The following TRPM1 variants were observed in gnomAD, a reference collection of about 807,000 sequenced individuals.
TRPM1 encodes transient receptor potential cation channel subfamily M member 1, also known as TRPM1-203 APA Isoform, Intron 10.
TRPM1 carries 113 observed loss-of-function variants against 149.4 expected under a neutral mutation model. The observed-to-expected ratio is 0.76, with a 90% CI of 0.65 to 0.88. TRPM1 has a LOEUF of 0.88. Among genes scored for constraint, TRPM1 ranks in the 40% least tolerant of loss-of-function variants. The pLI is 0.00. For synonymous variants in TRPM1, 741 were observed against 759.5 expected (o/e 0.98, Z 0.40); for missense variants, 1,976 against 2,038.7 (o/e 0.97, Z 0.59).
chr15:31,125,530 A>C (rs2035936546), intron 1 of TRPM1, among the ~76,000 whole-genome samples: 1 of 151,126 alleles, frequency 6.6e-6, no homozygotes, highest in Admixed American at 6.6e-5. Context: ...GGAGATCGAG[A>C]CCATCCCGGC....
intron 1 of TRPM1, among the ~76,000 whole-genome samples, chr15:31,127,226 C>T (rs2035962364): frequency 6.6e-6 from 1 of 152,146 alleles, no homozygotes. Flanking sequence ...CTCGTGGCAT[C>T]TCCAAGGATG....
rs552539446 is a variant in TRPM1 at position 31,085,765 on chromosome 15, A to C, written c.-83-4327T>G. On this transcript the variant is annotated intron_variant, in intron 1 of 27. Coordinates refer to ENST00000256552, the MANE Select transcript of TRPM1 (RefSeq NM_001252024.2). The stretch of plus-strand genomic sequence containing the variant: ...ATAGTCAATTAGGAGAACAAAACCA[A>C]ACAAAAACAGAAGAGCTGCAATGCA... Among the ~76,000 whole-genome samples the C allele has an allele frequency of 3.3e-5, 5 of 152,282 alleles. No individual in the cohort carries two copies. In the East Asian group the frequency reaches 7.7e-4, roughly 24 times the overall value.
intron 24 of TRPM1, 148 bp from the exon 25 acceptor site, chr15:31,028,624 ACT>A (rs1191809969): frequency 1.4e-5 from 15 of 1,063,348 alleles, no homozygotes; most frequent in Non-Finnish European, 1.9e-5. Context: ...GAAAAAATAA[ACT>A]CTGTAGCCCC....
At chr15:31,124,646 C>G (rs2035921322) in intron 1 of TRPM1, among the ~76,000 whole-genome samples, 1 of 120,222 alleles carries the variant, frequency 8.3e-6, no homozygotes, top group Non-Finnish European at 1.7e-5. Flanking sequence ...AGAGTTAAGA[C>G]TCTGTCTCAA....
rs879097117 is a variant in TRPM1, at chr15:31,032,578, A to G, written c.2952+111T>C. The G allele has an allele frequency of 3.2e-5, 42 of 1,298,000 alleles. No homozygotes were observed. In the South Asian group the frequency reaches 4.9e-4, roughly 15 times the overall value. The allele number at this position is 1,298,000 out of a possible 1,614,324, so 80.4% of individuals were successfully genotyped here. On this transcript the variant is annotated intron_variant, in intron 22 of 27. Coordinates refer to ENST00000256552, the MANE Select transcript of TRPM1 (RefSeq NM_001252024.2). ...AAAGAATATTTCCTTTAAAAAGCCA[A>G]CTGCAAAAGAAAAACCAAATGAAAT...
intron 27 of TRPM1, among the ~76,000 whole-genome samples, chr15:31,007,936 G>T (rs1188310889): frequency 5.9e-5 from 9 of 152,024 alleles, no homozygotes; most frequent in Non-Finnish European, 1.2e-4. Context: ...CATTTTTGTT[G>T]GAGCTCTGTG....
intron 27 of TRPM1, among the ~76,000 whole-genome samples, chr15:31,025,586 C>T (rs2032697164): frequency 6.6e-6 from 1 of 152,184 alleles, no homozygotes; most frequent in African/African-American, 2.4e-5. Context: ...GAAAGACACA[C>T]CCTGCCCTAG....
Position 31,028,429 on chromosome 15 carries a change from G to C in TRPM1, c.3196C>G (p.Pro1066Ala), listed in dbSNP as rs2032893567. The C allele has an allele frequency of 6.2e-7, 1 of 1,614,120 alleles. No homozygotes were observed. Among genetic ancestry groups the C allele is most frequent in the Non-Finnish European group, 8.5e-7 (1 of 1,180,042 alleles). ...GTGAGCCAGGCGCCGGGGATACAGGGAGGAAGCCGCTTGCCCTCCTCATCA... is the reference window on the plus strand; with the variant it reads ...GTGAGCCAGGCGCCGGGGATACAGGCAGGAAGCCGCTTGCCCTCCTCATCA... ...LYDEEGKRLP[P>A]CIPGAWLTPA... The change falls in exon 25 of 28, where the codon CCC (proline) becomes GCC (alanine). Residue 1066 changes from proline (P) to alanine (A), a missense_variant. Physicochemically the swap from Pro to Ala is conservative, Grantham distance 27. Around this residue, in one of 3 missense-constraint regions of TRPM1, gnomAD observed 1,332 missense variants for 1,347.1 expected, o/e 0.99. Coordinates refer to ENST00000256552, the MANE Select transcript of TRPM1 (RefSeq NM_001252024.2).
intron 1 of TRPM1, among the ~76,000 whole-genome samples, chr15:31,156,680 C>T (rs1353362519): frequency 1.3e-5 from 2 of 152,158 alleles, no homozygotes; most frequent in Non-Finnish European, 2.9e-5. Flanking sequence ...TTTTACGTCT[C>T]CCTATAATGT....
intron 1 of TRPM1, among the ~76,000 whole-genome samples, chr15:31,086,548 C>T (rs1274584553): frequency 1.3e-5 from 2 of 152,270 alleles, no homozygotes; most frequent in Middle Eastern, 3.4e-3. Context: ...ATGGGGGAGG[C>T]CCTGGCTTCT....
At chr15:31,148,190 G>A (rs1378151612) in intron 1 of TRPM1, among the ~76,000 whole-genome samples, 1 of 152,250 alleles carries the variant, frequency 6.6e-6, no homozygotes, top group South Asian at 2.1e-4. Flanking sequence ...TCTAACAAAG[G>A]GACAAAACCA....
intron 1 of TRPM1, among the ~76,000 whole-genome samples, chr15:31,133,394 T>C (rs1188258656): frequency 2.1e-5 from 3 of 144,596 alleles, no homozygotes; most frequent in Non-Finnish European, 4.6e-5. Flanking sequence ...ATGGTGAAAC[T>C]CCGTCTCTAC....
chr15:31,027,967 A>G (rs1202005931), intron 25 of TRPM1, among the ~76,000 whole-genome samples: 1 of 152,180 alleles, frequency 6.6e-6, no homozygotes, highest in Non-Finnish European at 1.5e-5. Context: ...TAATTGTAAC[A>G]GCTTATGAAA....
intron 1 of TRPM1, among the ~76,000 whole-genome samples, chr15:31,098,572 T>C (rs1018845834): frequency 6.6e-6 from 1 of 152,176 alleles, no homozygotes; most frequent in Non-Finnish European, 1.5e-5. Context: ...TCATGTAGTA[T>C]GCTTTTTAAT....
chr15:31,022,104 G>A (rs1448272378), intron 27 of TRPM1, among the ~76,000 whole-genome samples: 1 of 152,196 alleles, frequency 6.6e-6, no homozygotes, highest in African/African-American at 2.4e-5. Context: ...AAAGGAAGTT[G>A]GGTCTCTGAC....
Position 31,040,714 on chromosome 15 carries a change from G to A in TRPM1, c.2088-368C>T, listed in dbSNP as rs2033587195. On this transcript the variant is annotated intron_variant, in intron 17 of 27. Coordinates refer to ENST00000256552, the MANE Select transcript of TRPM1 (RefSeq NM_001252024.2). This position sits in a 1 kb window ranked among gnomAD's most constrained non-coding sequence, Gnocchi z 4.2. ...GACAGCAAAAGTGACTTCAAATGCA[G>A]CACCTGTGGAGTTGGAGGCCACAGT... Among the ~76,000 whole-genome samples, 1 of 151,958 alleles carries A rather than the reference G, an allele frequency of 6.6e-6. No individual in the cohort carries two copies. Among genetic ancestry groups the A allele is most frequent in the Non-Finnish European group, 1.5e-5 (1 of 67,986 alleles).
At chr15:31,089,716 C>T (rs1163257895) in intron 1 of TRPM1, among the ~76,000 whole-genome samples, 2 of 152,228 alleles carry the variant, frequency 1.3e-5, no homozygotes, top group African/African-American at 4.8e-5. Context: ...ACTTGGATGA[C>T]CTCTCCAAGG....
intron 23 of TRPM1, among the ~76,000 whole-genome samples, chr15:31,030,576 G>T (rs1468192017): frequency 6.6e-6 from 1 of 152,174 alleles, no homozygotes; most frequent in Non-Finnish European, 1.5e-5. Context: ...TGGAAAATGG[G>T]CTCTGATGGC....
At chr15:31,022,910 T>G (rs1412337574) in intron 27 of TRPM1, among the ~76,000 whole-genome samples, 4 of 152,220 alleles carry the variant, frequency 2.6e-5, no homozygotes, top group Admixed American at 2.6e-4. Flanking sequence ...TATTCCCAGC[T>G]ACTTCAGAGG....
Sources: allele counts gnomAD v4.1 joint callset (sites outside exome capture counted in the v4.1 genomes callset), GRCh38; gene constraint gnomAD v4.1.1; regional missense constraint gnomAD v4.1.1; non-coding constraint Gnocchi (gnomAD v3.1); transcripts MANE v1.5; gene names NCBI Gene and HGNC (gene_info 2026-07-23, HGNC 2026-07-21).